The following SYNE2 variants were observed in gnomAD, a reference collection of about 807,000 sequenced individuals.
SYNE2 encodes spectrin repeat containing nuclear envelope protein 2, also known as nesprin-2.
A neutral mutation model predicts 856.3 loss-of-function variants in SYNE2; 431 were observed. That is an observed-to-expected ratio of 0.50 (90% CI 0.47 to 0.55). The LOEUF (loss-of-function observed/expected upper bound fraction) is 0.55. Among genes scored for constraint, SYNE2 ranks in the 20% least tolerant of loss-of-function variants. The probability of loss-of-function intolerance (pLI) is 0.00; values close to 1 mark genes in which losing one functional copy is unlikely to be tolerated. For synonymous variants in SYNE2, 2,923 were observed against 2,872.3 expected (o/e 1.02, Z -0.56); for missense variants, 8,129 against 8,023.2 (o/e 1.01, Z -0.50).
intron 39 of SYNE2, 64 bp downstream of exon 39, chr14:64,024,523 C>G (rs2096962448): frequency 1.3e-6 from 2 of 1,482,248 alleles, no homozygotes; most frequent in Non-Finnish European, 1.9e-6. Context: ...TGTACTCTGC[C>G]TCAGCGCAGA....
rs112708465 is a variant in SYNE2, at chr14:63,872,612, C to G, written c.-52+19469C>G. On this transcript the variant is annotated intron_variant, in intron 1 of 115. Transcript: ENST00000555002. ...CTCTACTAAAAATACAAAAATTAGC[C>G]GCACGTGGTGGTGGTGACGGGTGCC... Among the ~76,000 whole-genome samples, 863 of 151,328 alleles carry G rather than the reference C, an allele frequency of 5.7e-3. 5 individuals carry two copies. Among genetic ancestry groups the G allele is most frequent in the African/African-American group, 0.019 (798 of 41,278 alleles).
intron 94 of SYNE2, among the ~76,000 whole-genome samples, 191 bp downstream of exon 94, chr14:64,170,653 T>A (rs1291865463): frequency 6.6e-6 from 1 of 152,166 alleles, no homozygotes; most frequent in East Asian, 1.9e-4. Flanking sequence ...AAACCCGATA[T>A]TACCCATTCA....
At position 64,065,112 on chromosome 14, in the gene SYNE2, C is replaced by T. The variant is rs1967901; in HGVS notation, c.10213-320C>T. The stretch of plus-strand genomic sequence containing the variant: ...TCTCCTGATCTCATGATCCACCCAC[C>T]TTGGCCTCCCAAAGTGCTGGGATCA... On this transcript the variant is annotated intron_variant, in intron 50 of 115. Transcript: ENST00000555002. 5.5e-3 allele frequency among the ~76,000 whole-genome samples: 837 copies of T among 152,242 alleles called. 8 individuals carry two copies. Among genetic ancestry groups the T allele is most frequent in the African/African-American group, 0.019 (796 of 41,530 alleles).
intron 73 of SYNE2, 109 bp downstream of exon 73, chr14:64,126,916 G>A: frequency 8.5e-7 from 1 of 1,171,110 alleles, no homozygotes; most frequent in Non-Finnish European, 1.2e-6. Flanking sequence ...ATTGCTAAGG[G>A]AAATGATGAG....
rs780390379 is a variant in SYNE2 at position 64,208,803 on chromosome 14, G to A, written c.18247G>A (p.Val6083Met). 1.2e-5 allele frequency: 19 copies of A among 1,614,090 alleles called. No individual in the cohort carries two copies. The highest frequency in any genetic ancestry group is 1.4e-5 in the Non-Finnish European group (17 of 1,180,042). ...ACAACACAGCGCAGGGGTGGAGTCC[G>A]TGTTTAACATCTGTGACGTCCTACT... ...IEQHSAGVES[V>M]FNICDVLLHD... The change falls in exon 101 of 116, where the codon GTG (valine) becomes ATG (methionine). Residue 6083 changes from valine to methionine, a missense_variant. Val to Met is a conservative substitution (Grantham distance 21). This residue lies in a region of SYNE2 where 5,410 missense variants were observed against 5,284.8 expected (regional missense o/e 1.02). Transcript: ENST00000555002.
chr14:63,874,226 C>T (rs570580806), intron 1 of SYNE2, among the ~76,000 whole-genome samples: 1 of 152,128 alleles, frequency 6.6e-6, no homozygotes, highest in African/African-American at 2.4e-5. Context: ...TTCTTTAAAA[C>T]CTTCTTATAG....
intron 77 of SYNE2, 139 bp from the exon 78 acceptor site, chr14:64,133,930 G>A (rs922000242): frequency 8.4e-6 from 8 of 948,254 alleles, no homozygotes; most frequent in African/African-American, 6.6e-5. Context: ...GTGGGGTTAC[G>A]TCTCTCGAAC....
chr14:63,934,103 A>G (rs2095799866), intron 2 of SYNE2, among the ~76,000 whole-genome samples: 1 of 152,230 alleles, frequency 6.6e-6, no homozygotes, highest in Non-Finnish European at 1.5e-5. Context: ...TCTTTATTGC[A>G]TTTAGAGGGT....
chr14:64,137,630 A>G (rs543249723), intron 78 of SYNE2, among the ~76,000 whole-genome samples, 157 bp from the exon 79 acceptor site: 3 of 152,342 alleles, frequency 2.0e-5, no homozygotes, highest in South Asian at 4.1e-4. Context: ...ATAAACCATT[A>G]ATCATGCATC....
At chr14:64,215,140 A>T in intron 106 of SYNE2, 146 bp from the exon 107 acceptor site, 3 of 800,364 alleles carry the variant, frequency 3.7e-6, no homozygotes, top group Non-Finnish European at 6.3e-6. Flanking sequence ...GGAAAAAAAA[A>T]TCTTTCTGGT....
intron 63 of SYNE2, chr14:64,099,172 A>T (rs1339254037): frequency 9.7e-6 from 3 of 310,042 alleles, no homozygotes; most frequent in Non-Finnish European, 1.9e-5. Flanking sequence ...CCGCATTTCA[A>T]TTACTCTTTT....
intron 78 of SYNE2, 119 bp from the exon 79 acceptor site, chr14:64,137,668 G>A (rs1203875291): frequency 1.9e-6 from 2 of 1,034,722 alleles, no homozygotes; most frequent in Admixed American, 4.1e-5. Context: ...CTTGAATGTT[G>A]GGAAAGTGTT....
chr14:63,827,636 A>AAAAAC lies in SYNE2; in HGVS notation c.-304-24861_-304-24860insCAAAA, dbSNP rs1566592918. On this transcript the variant is annotated intron_variant, in intron 1 of 23. Coordinates refer to the SYNE2 transcript ENST00000674003. The stretch of plus-strand genomic sequence containing the variant: ...TTGAAACTCTGTCTCAAAAAAAAAA[A>AAAAAC]AAAAAAAAAAAAAAAAAAAAGAAAG... 6.8e-5 allele frequency among the ~76,000 whole-genome samples: 9 copies of AAAAAC among 132,110 alleles called. 1 individual carries two copies. The highest frequency in any genetic ancestry group is 2.1e-4 in the East Asian group (1 of 4,680). The allele number at this position is 132,110 out of a possible 152,430, so 86.7% of individuals were successfully genotyped here.
chr14:63,833,537 A>G (rs549343406), intron 1 of SYNE2, among the ~76,000 whole-genome samples: 28 of 152,314 alleles, frequency 1.8e-4, no homozygotes, highest in African/African-American at 6.5e-4. Context: ...TTTGTCTATG[A>G]TAAACCCCCA....
In SYNE2 at chr14:64,052,837, A is replaced by G; in HGVS notation, c.8924A>G (p.Lys2975Arg). 6.2e-7 allele frequency: 1 copy of G among 1,613,576 alleles called. No individual in the cohort carries two copies. Among genetic ancestry groups the G allele is most frequent in the Non-Finnish European group, 8.5e-7 (1 of 1,179,914 alleles). ...CTATTACTTAATCAAGAAGTAAATA[A>G]AGGTGTTAAAGAGGAGATCTATAAT... ...NELLLNQEVN[K>R]GVKEEIYNLK... The change falls in exon 48 of 116, where the codon AAA becomes AGA. Residue 2975 changes from lysine (K) to arginine (R), a missense_variant. By Grantham distance (26) the Lys-to-Arg change is conservative. This residue lies in a region of SYNE2 where 5,410 missense variants were observed against 5,284.8 expected (regional missense o/e 1.02). Coordinates refer to ENST00000555002, the MANE Select transcript of SYNE2 (RefSeq NM_182914.3).
At chr14:64,042,695 CCTT>C (rs2097157788) in intron 45 of SYNE2, among the ~76,000 whole-genome samples, 1 of 152,214 alleles carries the variant, frequency 6.6e-6, no homozygotes, top group South Asian at 2.1e-4. Flanking sequence ...ATTTATTCCT[CCTT>C]GCCTTACACC....
chr14:64,152,550 T>C lies in SYNE2; in HGVS notation c.15640-14T>C, dbSNP rs1567477758. On this transcript the variant is annotated splice_polypyrimidine_tract_variant and intron_variant, in intron 84 of 115. Transcript: ENST00000555002. The stretch of plus-strand genomic sequence containing the variant: ...ATATTGTGCATTGAAAACCTTTTCC[T>C]CTTACTCTTCCAGGATATAGAAAAT... 4 of 1,613,782 alleles carry C rather than the reference T, an allele frequency of 2.5e-6. No homozygotes were observed. The highest frequency in any genetic ancestry group is 3.4e-6 in the Non-Finnish European group (4 of 1,179,894).
chr14:64,175,099 G>A lies in SYNE2; in HGVS notation c.17391G>A (p.Gln5797=), dbSNP rs1174670225. 2 of 1,614,136 alleles carry A rather than the reference G, an allele frequency of 1.2e-6. No homozygotes were observed. Among genetic ancestry groups the A allele is most frequent in the Non-Finnish European group, 1.7e-6 (2 of 1,179,992 alleles). ...ACAGCTGGAAAGACATGGAGCCCCA[G>A]CTGGCAGAGATGATTAAGCAGTTCC... ...LQDSWKDMEP[Q]LAEMIKQFQS... is the part of the protein sequence containing the mutation. The change falls in exon 95 of 116, where the codon CAG becomes CAA. Residue 5797 remains glutamine (Q), a synonymous_variant. Coordinates refer to ENST00000555002, the MANE Select transcript of SYNE2 (RefSeq NM_182914.3).
intron 1 of SYNE2, among the ~76,000 whole-genome samples, chr14:63,838,422 A>G (rs1889935174): frequency 6.6e-6 from 1 of 152,190 alleles, no homozygotes; most frequent in Non-Finnish European, 1.5e-5. Flanking sequence ...GCATTTTATT[A>G]TAAGTAAATT....
Sources: gnomAD v4.1 joint callset for allele counts (sites outside exome capture counted in the v4.1 genomes callset) on GRCh38, gnomAD v4.1.1 for gene constraint, gnomAD v4.1.1 regional missense constraint, MANE v1.5 for transcripts, NCBI Gene and HGNC (gene_info 2026-07-23, HGNC 2026-07-21) for gene names.